The following AGBL1 variants were observed in gnomAD, a reference collection of about 807,000 sequenced individuals.
AGBL1 encodes the protein AGBL carboxypeptidase 1, also known as cytosolic carboxypeptidase 4.
In AGBL1, 130 loss-of-function variants were observed where a neutral mutation model predicts 118.9. The ratio of observed to expected loss-of-function variants is 1.09; its 90% CI spans 0.95 to 1.26. The LOEUF is 1.26. Ranked by LOEUF, AGBL1 falls within the 50% of genes most tolerant of loss-of-function variation. The pLI is 0.00. For synonymous variants in AGBL1, 555 were observed against 478.9 expected (o/e 1.16, Z -2.08); for missense variants, 1,584 against 1,298.1 (o/e 1.22, Z -3.38).
At chr15:86,962,096 C>G (rs1408882569) in intron 23 of AGBL1, among the ~76,000 whole-genome samples, 1 of 152,116 alleles carries the variant, frequency 6.6e-6, no homozygotes, top group Non-Finnish European at 1.5e-5. Context: ...ATTGCAAATT[C>G]AATTCTCAAA....
At chr15:86,742,183 C>G (rs1009910359) in intron 22 of AGBL1, among the ~76,000 whole-genome samples, 1 of 152,114 alleles carries the variant, frequency 6.6e-6, no homozygotes, top group African/African-American at 2.4e-5. Flanking sequence ...GTGACCCAGA[C>G]TGCAAAGGAC....
intron 1 of AGBL1, among the ~76,000 whole-genome samples, chr15:86,122,189 C>T (rs16948509): frequency 0.18 from 26,873 of 152,110 alleles, 2,473 homozygotes; most frequent in Middle Eastern, 0.26. Context: ...CATTTCCCGA[C>T]ATGGTCACAG....
At chr15:86,587,059 A>G (rs149350838) in intron 21 of AGBL1, among the ~76,000 whole-genome samples, 78 of 152,270 alleles carry the variant, frequency 5.1e-4, no homozygotes, top group African/African-American at 1.8e-3. Flanking sequence ...TTCGGACTAG[A>G]ACCCATCAGA....
chr15:86,923,199 G>T (rs1285116237), intron 23 of AGBL1, among the ~76,000 whole-genome samples: 2 of 152,196 alleles, frequency 1.3e-5, no homozygotes, highest in East Asian at 3.8e-4. Context: ...GGCAGAGTGG[G>T]TAAACAGATC....
intron 22 of AGBL1, among the ~76,000 whole-genome samples, chr15:86,834,657 C>G (rs1333365986): frequency 6.6e-6 from 1 of 152,144 alleles, no homozygotes; most frequent in Non-Finnish European, 1.5e-5. Flanking sequence ...TTATGTGTCT[C>G]TAGGCTGCGT....
At chr15:86,517,009 C>T (rs1283815030) in intron 18 of AGBL1, among the ~76,000 whole-genome samples, 1 of 152,068 alleles carries the variant, frequency 6.6e-6, no homozygotes, top group East Asian at 1.9e-4. Flanking sequence ...GTGAAAATAA[C>T]TTAGAAATGA....
intron 22 of AGBL1, among the ~76,000 whole-genome samples, chr15:86,845,355 A>G (rs569648455): frequency 3.5e-4 from 54 of 152,208 alleles, no homozygotes; most frequent in Non-Finnish European, 6.9e-4. Flanking sequence ...TGTCCTTTAT[A>G]CTATGCACTG....
At chr15:86,494,993 CTTTGAATCCATTCACAATCCAAT>C (rs2142149365) in intron 18 of AGBL1, among the ~76,000 whole-genome samples, 1 of 151,714 alleles carries the variant, frequency 6.6e-6, no homozygotes, top group Admixed American at 6.6e-5. Context: ...TTTAAGCCCC[CTTTGAATCCATTCACAATCCAAT>C]TTTCATCCTT....
At chr15:86,226,660 C>A (rs938229789) in intron 6 of AGBL1, among the ~76,000 whole-genome samples, 1 of 152,326 alleles carries the variant, frequency 6.6e-6, no homozygotes, top group South Asian at 2.1e-4. Context: ...TTGATTCAGG[C>A]TCAGACCGTG....
At chr15:86,565,424 C>T in intron 21 of AGBL1, among the ~76,000 whole-genome samples, 1 of 152,256 alleles carries the variant, frequency 6.6e-6, no homozygotes, top group East Asian at 1.9e-4. Context: ...TGGGTATCAG[C>T]AGCAGGGGCT....
chr15:86,696,382 C>G (rs528760995), intron 22 of AGBL1, among the ~76,000 whole-genome samples: 46 of 151,954 alleles, frequency 3.0e-4, no homozygotes, highest in Non-Finnish European at 5.4e-4. Context: ...TTTGTTTCAT[C>G]TGATATAAGA....
In AGBL1 at chr15:86,275,582, C is replaced by G. The variant is rs147534719; in HGVS notation, c.2075+3876C>G. ...ATTTTTAAGTACAAATGGAAATAACCTGAGTTCGTAACTATGCCTTTGTGT... is the reference window on the plus strand; with the variant it reads ...ATTTTTAAGTACAAATGGAAATAACGTGAGTTCGTAACTATGCCTTTGTGT... On this transcript the variant is annotated intron_variant, in intron 15 of 22. Transcript: ENST00000614907. 4.1e-3 allele frequency among the ~76,000 whole-genome samples: 632 copies of G among 152,298 alleles called. 5 individuals are homozygous for G. Among genetic ancestry groups the G allele is most frequent in the African/African-American group, 0.014 (589 of 41,560 alleles).
At chr15:86,344,147 A>T (rs533201078) in intron 17 of AGBL1, among the ~76,000 whole-genome samples, 1 of 152,322 alleles carries the variant, frequency 6.6e-6, no homozygotes, top group East Asian at 1.9e-4. Context: ...ATTGATGGGC[A>T]TAGCATGGGC....
intron 17 of AGBL1, among the ~76,000 whole-genome samples, chr15:86,394,343 T>C (rs2081332483): frequency 1.3e-5 from 2 of 152,148 alleles, no homozygotes; most frequent in Admixed American, 6.6e-5. Context: ...TCTCCCTTTT[T>C]CTTAAGATAG....
chr15:86,467,308 C>A (rs555405178), intron 18 of AGBL1, among the ~76,000 whole-genome samples: 4 of 152,162 alleles, frequency 2.6e-5, no homozygotes, highest in African/African-American at 4.8e-5. Context: ...TCAGCAATGG[C>A]GGACACTCCT....
intron 17 of AGBL1, among the ~76,000 whole-genome samples, chr15:86,365,584 A>G (rs1374263258): frequency 6.6e-6 from 1 of 152,106 alleles, no homozygotes; most frequent in Non-Finnish European, 1.5e-5. Flanking sequence ...CTATTCTTAC[A>G]TTCTCTCTCT....
intron 17 of AGBL1, among the ~76,000 whole-genome samples, chr15:86,325,846 G>C (rs574720647): frequency 2.4e-4 from 36 of 152,196 alleles, no homozygotes; most frequent in African/African-American, 4.3e-4. Context: ...GGTGGGAAGG[G>C]GCACATGATA....
chr15:86,850,245 T>C (rs1410372448), intron 22 of AGBL1, among the ~76,000 whole-genome samples: 4 of 151,976 alleles, frequency 2.6e-5, no homozygotes, highest in Non-Finnish European at 5.9e-5. Context: ...ACATTCTTGC[T>C]GCCTTAGGCT....
At chr15:86,717,764 A>T (rs1373010098) in intron 22 of AGBL1, among the ~76,000 whole-genome samples, 1 of 152,174 alleles carries the variant, frequency 6.6e-6, no homozygotes, top group Non-Finnish European at 1.5e-5. Flanking sequence ...CATATTTGAG[A>T]TGGCAGATTT....
Sources: gnomAD v4.1 joint callset for allele counts (sites outside exome capture counted in the v4.1 genomes callset) on GRCh38, gnomAD v4.1.1 for gene constraint, MANE v1.5 for transcripts, NCBI Gene and HGNC (gene_info 2026-07-23, HGNC 2026-07-21) for gene names.